The following TRERF1 variants were observed in gnomAD, a reference collection of about 807,000 sequenced individuals.
TRERF1 encodes transcriptional regulating factor 1.
TRERF1 carries 27 observed loss-of-function variants against 122.9 expected under a neutral mutation model. That is an observed-to-expected ratio of 0.22 (90% CI 0.16 to 0.30). TRERF1 has a LOEUF of 0.30. TRERF1 is among the 10% of genes least tolerant of loss of function. The probability of loss-of-function intolerance (pLI) is 1.00; values close to 1 mark genes in which losing one functional copy is unlikely to be tolerated. For missense variants in TRERF1, 1,248 were observed against 1,560.3 expected (o/e 0.80, Z 3.37); for synonymous variants, 636 against 641.7 (o/e 0.99, Z 0.13).
intron 3 of TRERF1, among the ~76,000 whole-genome samples, chr6:42,310,669 T>C (rs1242007263): frequency 6.6e-6 from 1 of 152,144 alleles, no homozygotes; most frequent in African/African-American, 2.4e-5. Flanking sequence ...AACCCTGCTC[T>C]AGTGTAATCA....
chr6:42,364,244 G>GCGCTCTTCCCCATCCCTGGAA (rs1772301833), intron 2 of TRERF1, among the ~76,000 whole-genome samples: 1 of 152,100 alleles, frequency 6.6e-6, no homozygotes, highest in African/African-American at 2.4e-5. Context: ...CATCCCTGGA[G>GCGCTCTTCCCCATCCCTGGAA]CACTCTTCCC....
intron 7 of TRERF1, among the ~76,000 whole-genome samples, chr6:42,264,009 A>G (rs1220255972): frequency 6.6e-6 from 1 of 152,238 alleles, no homozygotes; most frequent in Non-Finnish European, 1.5e-5. Flanking sequence ...CAAAACATGT[A>G]CTTTTAACAA....
chr6:42,392,058 G>A (rs936380988), intron 2 of TRERF1, among the ~76,000 whole-genome samples: 2 of 151,886 alleles, frequency 1.3e-5, no homozygotes, highest in African/African-American at 2.4e-5. Context: ...GATTTTCTTC[G>A]CAGACCTCAT....
chr6:42,231,814 G>A (rs1172918953), intron 17 of TRERF1, among the ~76,000 whole-genome samples: 1 of 152,152 alleles, frequency 6.6e-6, no homozygotes, highest in East Asian at 1.9e-4. Flanking sequence ...AGAAGCCCAG[G>A]TCTGCATTCG....
intron 3 of TRERF1, among the ~76,000 whole-genome samples, chr6:42,315,706 A>ACCCCCCCCCCCCCCCC (rs367902405): frequency 8.4e-6 from 1 of 118,606 alleles, no homozygotes; most frequent in African/African-American, 3.3e-5. Flanking sequence ...GAGGAACACC[A>ACCCCCCCCCCCCCCCC]CCCCCCCCCC....
At chr6:42,338,548 T>G (rs768367878) in intron 3 of TRERF1, among the ~76,000 whole-genome samples, 1 of 152,220 alleles carries the variant, frequency 6.6e-6, no homozygotes, top group Non-Finnish European at 1.5e-5. Context: ...CACTCTCCTG[T>G]TCACCTCTGG....
chr6:42,428,168 G>C (rs1268640586), intron 2 of TRERF1, among the ~76,000 whole-genome samples: 2 of 152,206 alleles, frequency 1.3e-5, no homozygotes, highest in Non-Finnish European at 2.9e-5. Context: ...TACAGGCCCA[G>C]ACTGACTAAG....
At chr6:42,334,950 T>C (rs1218628118) in intron 3 of TRERF1, among the ~76,000 whole-genome samples, 1 of 152,214 alleles carries the variant, frequency 6.6e-6, no homozygotes, top group African/African-American at 2.4e-5. Flanking sequence ...TTGGCCCAGA[T>C]GGTCCCTTCC....
chr6:42,443,446 T>C (rs1319054436), intron 2 of TRERF1, among the ~76,000 whole-genome samples: 1 of 152,218 alleles, frequency 6.6e-6, no homozygotes, highest in East Asian at 1.9e-4. Flanking sequence ...TAATGACTGC[T>C]TTTAGGTAGA....
chr6:42,259,188 C>G lies in TRERF1; in HGVS notation c.2269+151G>C. The G allele has an allele frequency of 9.3e-7, 1 of 1,072,590 alleles. No individual in the cohort carries two copies. Among genetic ancestry groups the G allele is most frequent in the Non-Finnish European group, 1.3e-6 (1 of 790,802 alleles). 66.4% of individuals were successfully genotyped at this position (1,072,590 alleles called of 1,614,324 possible). A position where few individuals can be genotyped will look rare whatever the true frequency, so the allele number is the denominator to read the frequency against. ...CCTTGAGGATAAGGGCTATGTATTCCAAGTCTTTCTTAACACCCAGCAGCG... is the reference window on the plus strand; with the variant it reads ...CCTTGAGGATAAGGGCTATGTATTCGAAGTCTTTCTTAACACCCAGCAGCG... On this transcript the variant is annotated intron_variant, in intron 9 of 17. Transcript: ENST00000372922. This position sits in a 1 kb window ranked among gnomAD's most constrained non-coding sequence, Gnocchi z 4.9.
chr6:42,263,320 G>A lies in TRERF1; in HGVS notation c.1884C>T (p.Leu628=), dbSNP rs764898968. The A allele has an allele frequency of 1.5e-5, 24 of 1,610,596 alleles. No individual in the cohort carries two copies. The highest frequency in any genetic ancestry group is 3.3e-5 in the South Asian group (3 of 90,142). Residue 628 remains leucine, a splice_region_variant and synonymous_variant, in exon 8 of 18, where the codon CTC becomes CTT. Coordinates refer to ENST00000372922, the Ensembl canonical transcript of TRERF1. This position sits in a 1 kb window ranked among gnomAD's most constrained non-coding sequence, Gnocchi z 5.6. Reference sequence around the variant, plus strand: ...GTGGGGGAGAGAGGGTCATCCTCACGAGCACAGGCATCTCGTCGTCCGACA... The same window carrying A: ...GTGGGGGAGAGAGGGTCATCCTCACAAGCACAGGCATCTCGTCGTCCGACA...
intron 3 of TRERF1, among the ~76,000 whole-genome samples, chr6:42,340,113 T>C (rs1343132403): frequency 6.6e-6 from 1 of 152,112 alleles, no homozygotes; most frequent in East Asian, 1.9e-4. Flanking sequence ...AATCAGAAAT[T>C]GCATAGCAGT....
At chr6:42,248,500 G>A (rs895580715) in intron 13 of TRERF1, among the ~76,000 whole-genome samples, 1 of 151,986 alleles carries the variant, frequency 6.6e-6, no homozygotes, top group Non-Finnish European at 1.5e-5. Context: ...TTACAGGTGC[G>A]TGCCACCACA....
Position 42,232,693 on chromosome 6 carries a change from T to C in TRERF1, c.3266A>G (p.Lys1089Arg). The C allele has an allele frequency of 6.2e-7, 1 of 1,600,116 alleles. No homozygotes were observed. Among genetic ancestry groups the C allele is most frequent in the Non-Finnish European group, 8.6e-7 (1 of 1,169,034 alleles). Residue 1089 changes from lysine (K) to arginine (R), a missense_variant, in exon 17 of 18, where the codon AAG becomes AGG. Around this residue, in one of 5 missense-constraint regions of TRERF1, gnomAD observed 159 missense variants for 221.7 expected, o/e 0.72. Transcript: ENST00000372922. This position sits in a 1 kb window ranked among gnomAD's most constrained non-coding sequence, Gnocchi z 4.5. ...CCCCTGCACCTACTTGCCACACTCC[T>C]TGCAGGGGAAGATGGTGGTGGGGTC... is the stretch of plus-strand genomic sequence containing the variant.
In TRERF1 at chr6:42,359,143, C is replaced by T. The variant is rs137883650; in HGVS notation, c.-371+3854G>A. Among the ~76,000 whole-genome samples the T allele has an allele frequency of 2.0e-3, 310 of 152,312 alleles. 2 individuals carry two copies. The highest frequency in any genetic ancestry group is 7.2e-3 in the African/African-American group (298 of 41,568). On this transcript the variant is annotated intron_variant, in intron 3 of 17. Coordinates refer to ENST00000372922, the Ensembl canonical transcript of TRERF1. The stretch of plus-strand genomic sequence containing the variant: ...GAGGCCCTGTGCCAACCAGTGCTCT[C>T]CGCACCGTTAATCTGGGAACCCCAA...
chr6:42,436,810 A>T (rs1174632148), intron 2 of TRERF1, among the ~76,000 whole-genome samples: 593 of 102,102 alleles, frequency 5.8e-3, no homozygotes, highest in South Asian at 7.3e-3. Flanking sequence ...CAAAAAAAAA[A>T]AAAAATATAT....
At position 42,263,494 on chromosome 6, in the gene TRERF1, T is replaced by C. The variant is rs149404843; in HGVS notation, c.1710A>G (p.Pro570=). The change falls in exon 8 of 18, where the codon CCA becomes CCG. Residue 570 remains proline, a synonymous_variant. Transcript: ENST00000372922. This position sits in a 1 kb window ranked among gnomAD's most constrained non-coding sequence, Gnocchi z 5.6. ...GGCTTTCTGCCTCGGGAGGGAGCTG[T>C]GGTGGCGGCGGAGGCGGAGGCGGAG... 18 of 1,580,938 alleles carry C rather than the reference T, an allele frequency of 1.1e-5. No individual in the cohort carries two copies. The highest frequency in any genetic ancestry group is 1.3e-5 in the Non-Finnish European group (15 of 1,161,024).
At chr6:42,319,192 C>T (rs948699852) in intron 3 of TRERF1, among the ~76,000 whole-genome samples, 7 of 152,082 alleles carry the variant, frequency 4.6e-5, no homozygotes, top group African/African-American at 1.7e-4. Flanking sequence ...ATTTTCACAC[C>T]ACAGATATAC....
At position 42,366,485 on chromosome 6, in the gene TRERF1, C is replaced by T. The variant is rs796409270; in HGVS notation, c.-453-3406G>A. ...CGGCACCTCCTAACATCCACTCTAA[C>T]GGGGAGGAGGATGGCTGGGTTTGGC... is the stretch of plus-strand genomic sequence containing the variant. On this transcript the variant is annotated intron_variant, in intron 2 of 17. Coordinates refer to ENST00000372922, the Ensembl canonical transcript of TRERF1. Among the ~76,000 whole-genome samples, 18 of 152,298 alleles carry T rather than the reference C, an allele frequency of 1.2e-4. 1 individual carries two copies. The highest frequency in any genetic ancestry group is 1.3e-4 in the Non-Finnish European group (9 of 68,010).
Sources: gnomAD v4.1 joint callset for allele counts (sites outside exome capture counted in the v4.1 genomes callset) on GRCh38, gnomAD v4.1.1 for gene constraint, gnomAD v4.1.1 regional missense constraint, Gnocchi (gnomAD v3.1) non-coding constraint, MANE v1.5 for transcripts, NCBI Gene and HGNC (gene_info 2026-07-23, HGNC 2026-07-21) for gene names.